EXT1: variants seen among roughly 807,000 people sequenced by gnomAD.
EXT1 encodes the protein exostosin-1.
In EXT1, 20 loss-of-function variants were observed where a neutral mutation model predicts 82.5. The ratio of observed to expected loss-of-function variants is 0.24; its 90% CI spans 0.17 to 0.35. The LOEUF (loss-of-function observed/expected upper bound fraction) is 0.35, where lower values mean the gene tolerates loss of function less well. EXT1 is among the 10% of genes least tolerant of loss of function. EXT1 has a pLI of 1.00. For missense variants in EXT1, 757 were observed against 936.5 expected (o/e 0.81, Z 2.50); for synonymous variants, 348 against 350.8 (o/e 0.99, Z 0.09).
At chr8:117,897,594 T>TTTTTTTTC (rs1283341662) in intron 1 of EXT1, among the ~76,000 whole-genome samples, 1 of 133,010 alleles carries the variant, frequency 7.5e-6, no homozygotes, top group East Asian at 2.2e-4. Flanking sequence ...CTTTTCTCTT[T>TTTTTTTTC]TTTTTTTTTT....
intron 1 of EXT1, among the ~76,000 whole-genome samples, chr8:117,981,990 G>C (rs1386420911): frequency 6.6e-6 from 1 of 152,116 alleles, no homozygotes; most frequent in Non-Finnish European, 1.5e-5. Flanking sequence ...TTTTTTTCCA[G>C]ATTTTGTCAG....
At chr8:118,101,482 A>C (rs1174406953) in intron 1 of EXT1, among the ~76,000 whole-genome samples, 4 of 152,238 alleles carry the variant, frequency 2.6e-5, no homozygotes, top group Non-Finnish European at 5.9e-5. Context: ...CCTATGGTCC[A>C]TGGAGTCAAC....
intron 1 of EXT1, among the ~76,000 whole-genome samples, chr8:117,883,665 T>C (rs745393380): frequency 2.6e-5 from 4 of 152,182 alleles, no homozygotes; most frequent in African/African-American, 4.8e-5. Flanking sequence ...CTAGAGCTAA[T>C]GTCAGCAAAG....
chr8:117,861,966 A>G lies in EXT1; in HGVS notation c.963-24765T>C, dbSNP rs1468440299. On this transcript the variant is annotated intron_variant, in intron 1 of 10. Transcript: ENST00000378204. ...ACGGTGAAAACTGATGTTAAACTAT[A>G]AATTTTAAGCCACGGACATTAGTGT... is the stretch of plus-strand genomic sequence containing the variant. 1.4e-5 allele frequency among the ~76,000 whole-genome samples: 2 copies of G among 145,800 alleles called. 1 individual carries two copies. The highest frequency in any genetic ancestry group is 3.1e-5 in the Non-Finnish European group (2 of 64,924).
intron 1 of EXT1, among the ~76,000 whole-genome samples, chr8:117,995,362 C>T (rs1422746656): frequency 3.9e-5 from 6 of 152,164 alleles, no homozygotes; most frequent in Admixed American, 3.9e-4. Context: ...CTAATCCAAT[C>T]CAGGATTCCT....
intron 1 of EXT1, among the ~76,000 whole-genome samples, chr8:118,081,292 G>T (rs959185544): frequency 1.3e-5 from 2 of 152,152 alleles, no homozygotes; most frequent in African/African-American, 4.8e-5. Flanking sequence ...TCCAGAAAAA[G>T]AAACATTTTG....
intron 1 of EXT1, among the ~76,000 whole-genome samples, chr8:117,853,478 A>C (rs1812489548): frequency 2.0e-5 from 3 of 152,160 alleles, no homozygotes; most frequent in Admixed American, 2.0e-4. Flanking sequence ...GGATGGATAA[A>C]CACTTTCATT....
chr8:117,941,270 G>A (rs1016779829), intron 1 of EXT1, among the ~76,000 whole-genome samples: 1 of 152,152 alleles, frequency 6.6e-6, no homozygotes, highest in Non-Finnish European at 1.5e-5. Context: ...CACGTATCAT[G>A]GTAAGATGTT....
intron 1 of EXT1, among the ~76,000 whole-genome samples, chr8:117,939,332 G>A (rs181962267): frequency 9.3e-4 from 141 of 152,204 alleles, no homozygotes; most frequent in African/African-American, 3.1e-3. Flanking sequence ...CACTTTGGGC[G>A]GACAAGGCAG....
At chr8:117,817,365 C>A (rs1811839921) in intron 7 of EXT1, among the ~76,000 whole-genome samples, 1 of 152,114 alleles carries the variant, frequency 6.6e-6, no homozygotes, top group Non-Finnish European at 1.5e-5. Flanking sequence ...CTGATTTTGT[C>A]ATTCTGGCGC....
chr8:118,009,575 T>C (rs539683041), intron 1 of EXT1, among the ~76,000 whole-genome samples: 1 of 152,280 alleles, frequency 6.6e-6, no homozygotes, highest in Non-Finnish European at 1.5e-5. Context: ...AGACCGACCC[T>C]AGTCCGTGGC....
chr8:117,908,861 C>T (rs1440414852), intron 1 of EXT1, among the ~76,000 whole-genome samples: 4 of 151,976 alleles, frequency 2.6e-5, no homozygotes, highest in East Asian at 3.9e-4. Context: ...CGGTGGTTCA[C>T]GCCTATAATC....
chr8:117,985,727 C>T (rs757882985), intron 1 of EXT1, among the ~76,000 whole-genome samples: 3 of 152,084 alleles, frequency 2.0e-5, no homozygotes, highest in Admixed American at 1.3e-4. Flanking sequence ...ATGAAGCAAT[C>T]GGAAGGGAGT....
intron 1 of EXT1, among the ~76,000 whole-genome samples, chr8:118,003,241 G>A (rs1283983399): frequency 6.6e-6 from 1 of 151,978 alleles, no homozygotes; most frequent in Non-Finnish European, 1.5e-5. Context: ...TGGACTTTGG[G>A]GACTCAGAGG....
chr8:117,838,445 A>G (rs1349227997), intron 1 of EXT1, among the ~76,000 whole-genome samples: 1 of 152,192 alleles, frequency 6.6e-6, no homozygotes, highest in Non-Finnish European at 1.5e-5. Flanking sequence ...GCCATTAAGA[A>G]GAGACATCAT....
chr8:117,834,948 T>A (rs1037222181), intron 3 of EXT1, among the ~76,000 whole-genome samples: 1 of 152,172 alleles, frequency 6.6e-6, no homozygotes, highest in Non-Finnish European at 1.5e-5. Flanking sequence ...AAACTTTTAT[T>A]AGGGGCTGCT....
chr8:117,829,185 C>T (rs1812055990), intron 4 of EXT1, among the ~76,000 whole-genome samples: 3 of 152,136 alleles, frequency 2.0e-5, no homozygotes, highest in South Asian at 2.1e-4. Flanking sequence ...TGTGCAGTTT[C>T]CTGAATCTTT....
intron 1 of EXT1, among the ~76,000 whole-genome samples, chr8:117,980,985 C>T (rs1465508810): frequency 6.6e-6 from 1 of 152,070 alleles, no homozygotes; most frequent in African/African-American, 2.4e-5. Flanking sequence ...GAAGTCAGCC[C>T]ACAGATGCAT....
chr8:117,992,374 A>G (rs1815451832), intron 1 of EXT1, among the ~76,000 whole-genome samples: 1 of 150,932 alleles, frequency 6.6e-6, no homozygotes, highest in South Asian at 2.1e-4. Context: ...CTCTGGGTAT[A>G]TAATTAGGGA....
Sources: gnomAD v4.1 joint callset for allele counts (sites outside exome capture counted in the v4.1 genomes callset) on GRCh38, gnomAD v4.1.1 for gene constraint, MANE v1.5 for transcripts, NCBI Gene and HGNC (gene_info 2026-07-23, HGNC 2026-07-21) for gene names.